OLA1: variants seen among roughly 807,000 people sequenced by gnomAD.
The protein encoded by OLA1 is Obg like ATPase 1.
OLA1 carries 14 observed loss-of-function variants against 48.4 expected under a neutral mutation model. That is an observed-to-expected ratio of 0.29 (90% CI 0.19 to 0.45). OLA1 has a LOEUF of 0.45. Among genes scored for constraint, OLA1 ranks in the 20% least tolerant of loss-of-function variants. The probability of loss-of-function intolerance (pLI) is 1.00; values close to 1 mark genes in which losing one functional copy is unlikely to be tolerated. For missense variants in OLA1, 325 were observed against 467.1 expected (o/e 0.70, Z 2.80); for synonymous variants, 127 against 150.4 (o/e 0.84, Z 1.14).
intron 4 of OLA1, among the ~76,000 whole-genome samples, chr2:174,174,035 CA>C (rs112671944): frequency 0.27 from 35,400 of 130,324 alleles, 3,478 homozygotes; most frequent in Non-Finnish European, 0.32. Context: ...CACACACACA[CA>C]AAAAAAAAAA....
chr2:174,139,930 A>G (rs752016927), intron 5 of OLA1, among the ~76,000 whole-genome samples: 1 of 151,874 alleles, frequency 6.6e-6, no homozygotes, highest in Admixed American at 6.6e-5. Flanking sequence ...GAGTATATCT[A>G]CCTTGCTCTC....
intron 4 of OLA1, among the ~76,000 whole-genome samples, chr2:174,174,336 G>A (rs1346262632): frequency 6.6e-6 from 1 of 151,892 alleles, no homozygotes; most frequent in East Asian, 1.9e-4. Context: ...TATAATGATG[G>A]AGTGAGTTTA....
intron 7 of OLA1, among the ~76,000 whole-genome samples, chr2:174,119,096 G>GA (rs965215547): frequency 4.1e-4 from 56 of 136,480 alleles, no homozygotes; most frequent in African/African-American, 5.3e-4. Flanking sequence ...GACCAAAAAA[G>GA]AAAAAAAAAA....
chr2:174,215,383 G>A (rs771877964), intron 4 of OLA1, among the ~76,000 whole-genome samples: 30 of 151,982 alleles, frequency 2.0e-4, no homozygotes, highest in Non-Finnish European at 2.8e-4. Flanking sequence ...TAATAAACTC[G>A]TCAATAAATA....
At chr2:174,219,423 CTT>C (rs372577919) in intron 4 of OLA1, among the ~76,000 whole-genome samples, 13 of 94,882 alleles carry the variant, frequency 1.4e-4, no homozygotes, top group African/African-American at 4.8e-4. Context: ...TTTTATTTCC[CTT>C]TTTTTTTTTT....
chr2:174,219,749 T>C (rs1368521889), intron 4 of OLA1, among the ~76,000 whole-genome samples: 2 of 152,180 alleles, frequency 1.3e-5, no homozygotes, highest in African/African-American at 4.8e-5. Context: ...ACATTAAAAG[T>C]GCAACTCAAC....
chr2:174,130,688 A>G (rs1686160846), intron 5 of OLA1, among the ~76,000 whole-genome samples: 1 of 152,198 alleles, frequency 6.6e-6, no homozygotes, highest in South Asian at 2.1e-4. Flanking sequence ...GAAGCCAACA[A>G]ATCTGATTTT....
Position 174,231,504 on chromosome 2 carries a change from C to T in OLA1, c.102-2053G>A, listed in dbSNP as rs567175177. ...TATGGAGTTTTTTTCAAATTTATGG[C>T]GATTACTGTGTACAGTATTTTATAT... On this transcript the variant is annotated intron_variant, in intron 2 of 10. Coordinates refer to ENST00000284719, the MANE Select transcript of OLA1 (RefSeq NM_013341.5). 5.9e-5 allele frequency among the ~76,000 whole-genome samples: 9 copies of T among 151,952 alleles called. No individual in the cohort carries two copies. The South Asian group carries it at 1.5e-3, about 25-fold the overall frequency.
At chr2:174,134,376 G>A (rs1686252850) in intron 5 of OLA1, among the ~76,000 whole-genome samples, 2 of 152,170 alleles carry the variant, frequency 1.3e-5, no homozygotes, top group African/African-American at 4.8e-5. Flanking sequence ...TACACTTTGT[G>A]TAATTATAAA....
intron 3 of OLA1, among the ~76,000 whole-genome samples, chr2:174,228,725 A>T (rs2105455386): frequency 6.6e-6 from 1 of 152,312 alleles, no homozygotes; most frequent in Middle Eastern, 3.4e-3. Flanking sequence ...TGATCATTTC[A>T]TACATTTTTT....
intron 3 of OLA1, among the ~76,000 whole-genome samples, chr2:174,225,864 G>A (rs1688605467): frequency 6.6e-6 from 1 of 152,132 alleles, no homozygotes; most frequent in African/African-American, 2.4e-5. Context: ...AACTAGACAG[G>A]AAGATATTCA....
At chr2:174,179,623 C>T (rs1687488731) in intron 4 of OLA1, among the ~76,000 whole-genome samples, 1 of 151,868 alleles carries the variant, frequency 6.6e-6, no homozygotes, top group South Asian at 2.1e-4. Flanking sequence ...TAATAAATTT[C>T]CTAAAACTAC....
chr2:174,203,304 G>T (rs935766331), intron 4 of OLA1, among the ~76,000 whole-genome samples: 7 of 151,860 alleles, frequency 4.6e-5, no homozygotes, highest in African/African-American at 1.5e-4. Context: ...TAACAAAGAG[G>T]GATTAAAATT....
At chr2:174,218,060 C>T (rs760962037) in intron 4 of OLA1, 2 of 152,016 alleles carry the variant, frequency 1.3e-5, no homozygotes, top group African/African-American at 2.4e-5. Flanking sequence ...AGTGCAGTGG[C>T]TAGTCACAGA....
At chr2:174,156,071 T>C (rs1686870601) in intron 4 of OLA1, among the ~76,000 whole-genome samples, 1 of 152,184 alleles carries the variant, frequency 6.6e-6, no homozygotes, top group African/African-American at 2.4e-5. Context: ...AGTGATAATG[T>C]ATGTAAACAG....
At chr2:174,116,088 A>G (rs1246604772) in intron 7 of OLA1, among the ~76,000 whole-genome samples, 3 of 152,188 alleles carry the variant, frequency 2.0e-5, no homozygotes, top group Non-Finnish European at 4.4e-5. Context: ...TTGCATTTAT[A>G]ATGACAGTTT....
intron 4 of OLA1, among the ~76,000 whole-genome samples, chr2:174,178,567 A>G (rs898962287): frequency 3.3e-5 from 5 of 152,026 alleles, no homozygotes; most frequent in Admixed American, 1.3e-4. Flanking sequence ...GATATGATCA[A>G]ATTGTTACTA....
intron 5 of OLA1, among the ~76,000 whole-genome samples, chr2:174,125,259 C>T (rs1038799737): frequency 3.1e-4 from 47 of 152,256 alleles, no homozygotes; most frequent in South Asian, 4.1e-4. Flanking sequence ...CAATTATGTG[C>T]GTCACACTGG....
chr2:174,187,783 G>C (rs186163161), intron 4 of OLA1, among the ~76,000 whole-genome samples: 138 of 152,306 alleles, frequency 9.1e-4, no homozygotes, highest in Non-Finnish European at 1.7e-3. Flanking sequence ...AGAGGCAGGG[G>C]TATGGAAGGT....
Sources: gnomAD v4.1 joint callset for allele counts (sites outside exome capture counted in the v4.1 genomes callset) on GRCh38, gnomAD v4.1.1 for gene constraint, MANE v1.5 for transcripts, NCBI Gene and HGNC (gene_info 2026-07-23, HGNC 2026-07-21) for gene names.